The following ZNF536 variants were observed in gnomAD, a reference collection of about 807,000 sequenced individuals.
ZNF536 encodes zinc finger protein 536.
Under a neutral mutation model 84.5 loss-of-function variants are expected in ZNF536, and 13 were observed. The observed-to-expected ratio is 0.15, with a 90% CI of 0.10 to 0.24. The LOEUF is 0.24. Among genes scored for constraint, ZNF536 ranks in the 10% least tolerant of loss-of-function variants. ZNF536 has a pLI of 1.00. For synonymous variants in ZNF536, 811 were observed against 742.5 expected (o/e 1.09, Z -1.50); for missense variants, 1,536 against 1,747.5 (o/e 0.88, Z 2.16).
At chr19:30,689,887 C>T (rs1568674312) in intron 1 of ZNF536, among the ~76,000 whole-genome samples, 1 of 152,222 alleles carries the variant, frequency 6.6e-6, no homozygotes, top group Non-Finnish European at 1.5e-5. Context: ...GATTTTGTTG[C>T]TAGATACCAG....
intron 1 of ZNF536, among the ~76,000 whole-genome samples, chr19:30,425,361 C>T (rs1421462333): frequency 6.6e-6 from 1 of 152,098 alleles, no homozygotes; most frequent in Non-Finnish European, 1.5e-5. Flanking sequence ...ATTTGTTTAT[C>T]AGCCAGGACT....
chr19:30,661,342 C>G (rs972749063), intron 1 of ZNF536, among the ~76,000 whole-genome samples: 2 of 151,990 alleles, frequency 1.3e-5, no homozygotes, highest in Non-Finnish European at 2.9e-5. Context: ...TCATGATATC[C>G]TTGTGTGATA....
chr19:30,580,881 G>T (rs951314780), intron 1 of ZNF536, among the ~76,000 whole-genome samples: 12 of 152,320 alleles, frequency 7.9e-5, no homozygotes, highest in Non-Finnish European at 1.8e-4. Context: ...GGGCAGCAGA[G>T]ACTGTGTCCA....
intron 2 of ZNF536, among the ~76,000 whole-genome samples, chr19:30,514,042 C>A (rs963655510): frequency 6.6e-6 from 1 of 152,078 alleles, no homozygotes; most frequent in Non-Finnish European, 1.5e-5. Flanking sequence ...TGAGACCTGG[C>A]GAGCCAGGTC....
At chr19:30,326,952 T>TA in intron 2 of ZNF536, among the ~76,000 whole-genome samples, 1 of 151,288 alleles carries the variant, frequency 6.6e-6, no homozygotes, top group Non-Finnish European at 1.5e-5. Flanking sequence ...TACAAAAAAT[T>TA]AAAAAGTAAC....
chr19:30,441,492 G>T (rs1287356361), intron 1 of ZNF536, among the ~76,000 whole-genome samples: 1 of 152,174 alleles, frequency 6.6e-6, no homozygotes, highest in Non-Finnish European at 1.5e-5. Flanking sequence ...TCCTGGGGCT[G>T]GTGGGTCTTG....
At chr19:30,422,799 A>G (rs546341206) in intron 1 of ZNF536, among the ~76,000 whole-genome samples, 1 of 139,986 alleles carries the variant, frequency 7.1e-6, no homozygotes, top group Admixed American at 7.2e-5. Context: ...TCCATCCACC[A>G]CCCACCCATC....
intron 1 of ZNF536, among the ~76,000 whole-genome samples, chr19:30,630,852 AC>A (rs1244246197): frequency 4.6e-5 from 7 of 152,136 alleles, no homozygotes; most frequent in African/African-American, 1.7e-4. Context: ...ATTAATTTGC[AC>A]GTGAATCACA....
chr19:30,413,228 T>C (rs2050571689), intron 1 of ZNF536, among the ~76,000 whole-genome samples: 1 of 152,178 alleles, frequency 6.6e-6, no homozygotes, highest in Admixed American at 6.5e-5. Context: ...TAGTGTCTGC[T>C]CTTATTTTTA....
chr19:30,622,398 G>A (rs1401209367), intron 1 of ZNF536, among the ~76,000 whole-genome samples: 1 of 152,248 alleles, frequency 6.6e-6, no homozygotes, highest in African/African-American at 2.4e-5. Context: ...TGCACCAAGT[G>A]CCATCATGTC....
intron 1 of ZNF536, among the ~76,000 whole-genome samples, chr19:30,403,370 T>C (rs541246393): frequency 2.5e-4 from 38 of 152,366 alleles, no homozygotes; most frequent in African/African-American, 8.7e-4. Flanking sequence ...GAAAAAATGC[T>C]GAAAGGAGGA....
chr19:30,250,415 A>G (rs1020093198), intron 1 of ZNF536, among the ~76,000 whole-genome samples: 19 of 152,174 alleles, frequency 1.2e-4, no homozygotes, highest in African/African-American at 4.6e-4. Context: ...TCTTGGGGCA[A>G]TGAGCTGCGT....
intron 2 of ZNF536, among the ~76,000 whole-genome samples, chr19:30,293,649 C>G (rs965934033): frequency 6.6e-6 from 1 of 152,200 alleles, no homozygotes; most frequent in Non-Finnish European, 1.5e-5. Flanking sequence ...GACTCTTACC[C>G]TTAGAGTTTT....
In ZNF536 at chr19:30,353,197, C is replaced by T. The variant is rs1023543426; in HGVS notation, c.-3+713C>T. Among the ~76,000 whole-genome samples, 8 of 152,162 alleles carry T rather than the reference C, an allele frequency of 5.3e-5. No homozygotes were observed. The South Asian group carries it at 6.2e-4, about 12-fold the overall frequency. The stretch of plus-strand genomic sequence containing the variant: ...GGTTTATTAGCAATTGCACAGGTGC[C>T]GGGTTCCGGTATTAAGAATCGGAAG... On this transcript the variant is annotated intron_variant, in intron 3 of 5. Coordinates refer to the ZNF536 transcript ENST00000585628.
intron 3 of ZNF536, among the ~76,000 whole-genome samples, chr19:30,544,386 G>A (rs764196744): frequency 2.0e-5 from 3 of 152,176 alleles, no homozygotes; most frequent in East Asian, 1.9e-4. Flanking sequence ...GCCTGGGCCC[G>A]TGGAGACTCC....
At position 30,443,945 on chromosome 19, in the gene ZNF536, G is replaced by A. The variant is rs1393719319; in HGVS notation, c.383G>A (p.Arg128His). ...SDIEDDARKN[R>H]KYPCPLCGKR... The stretch of plus-strand genomic sequence containing the variant: ...ATCGAGGACGACGCCCGCAAGAACC[G>A]CAAGTACCCGTGCCCACTCTGCGGC... The change falls in exon 2 of 5, where the codon CGC becomes CAC. Residue 128 changes from arginine (R) to histidine (H), a missense_variant. Arg to His is a conservative substitution (Grantham distance 29). Coordinates refer to ENST00000355537, the MANE Select transcript of ZNF536 (RefSeq NM_014717.3). 8 of 1,613,586 alleles carry A rather than the reference G, an allele frequency of 5.0e-6. No homozygotes were observed. The highest frequency in any genetic ancestry group is 6.8e-6 in the Non-Finnish European group (8 of 1,180,014).
chr19:30,324,014 C>T (rs2046941277), intron 2 of ZNF536, among the ~76,000 whole-genome samples: 1 of 151,976 alleles, frequency 6.6e-6, no homozygotes. Context: ...CCCATCATCC[C>T]ATCCATCCAT....
chr19:30,526,499 C>T (rs1243988641), intron 2 of ZNF536, among the ~76,000 whole-genome samples: 5 of 125,100 alleles, frequency 4.0e-5, no homozygotes, highest in Non-Finnish European at 1.0e-4. Flanking sequence ...CCGAGGCGGG[C>T]GGATCACGAG....
intron 1 of ZNF536, among the ~76,000 whole-genome samples, chr19:30,432,804 C>T (rs1218790347): frequency 6.6e-6 from 1 of 152,130 alleles, no homozygotes; most frequent in African/African-American, 2.4e-5. Flanking sequence ...AAGCTGTTCT[C>T]TTGTAAGTTT....
Sources: gnomAD v4.1 joint callset for allele counts (sites outside exome capture counted in the v4.1 genomes callset) on GRCh38, gnomAD v4.1.1 for gene constraint, MANE v1.5 for transcripts, NCBI Gene and HGNC (gene_info 2026-07-23, HGNC 2026-07-21) for gene names.